Variants in ROBO2 observed in about 807,000 individuals in gnomAD.
The protein encoded by ROBO2 is roundabout guidance receptor 2.
ROBO2 carries 53 observed loss-of-function variants against 160.8 expected under a neutral mutation model. The ratio of observed to expected loss-of-function variants is 0.33; its 90% CI spans 0.26 to 0.41. The LOEUF (loss-of-function observed/expected upper bound fraction) is 0.41, where lower values mean the gene tolerates loss of function less well. Ranked by LOEUF, ROBO2 falls within the 10% of genes least tolerant of loss-of-function variation. The pLI is 1.00. For missense variants in ROBO2, 1,577 were observed against 1,722.4 expected (o/e 0.92, Z 1.49); for synonymous variants, 664 against 611.7 (o/e 1.09, Z -1.26).
At chr3:76,569,857 G>A (rs1194537478) in intron 2 of ROBO2, among the ~76,000 whole-genome samples, 1 of 152,136 alleles carries the variant, frequency 6.6e-6, no homozygotes, top group Non-Finnish European at 1.5e-5. Flanking sequence ...AGGTGCAGTG[G>A]CTCACACCTG....
At chr3:76,112,755 G>A (rs1185760500) in intron 2 of ROBO2, among the ~76,000 whole-genome samples, 1 of 151,898 alleles carries the variant, frequency 6.6e-6, no homozygotes, top group Non-Finnish European at 1.5e-5. Context: ...TTATGTGATT[G>A]AGATTTTATA....
chr3:77,053,580 G>C (rs1180465591), intron 1 of ROBO2, among the ~76,000 whole-genome samples: 3 of 152,156 alleles, frequency 2.0e-5, no homozygotes, highest in Non-Finnish European at 2.9e-5. Flanking sequence ...TCAGCTTTAA[G>C]TGAGGTCTGA....
intron 15 of ROBO2, among the ~76,000 whole-genome samples, chr3:77,577,933 T>A (rs1349213408): frequency 1.3e-5 from 2 of 152,058 alleles, no homozygotes; most frequent in South Asian, 2.1e-4. Context: ...ATGGATTTTA[T>A]CTTTGTTATT....
chr3:77,357,115 G>T (rs138649949), intron 2 of ROBO2, among the ~76,000 whole-genome samples: 1 of 152,080 alleles, frequency 6.6e-6, no homozygotes, highest in Non-Finnish European at 1.5e-5. Flanking sequence ...AGGGCCTTTC[G>T]TGTATTTTAT....
At chr3:77,405,435 T>A (rs1039084796) in intron 2 of ROBO2, among the ~76,000 whole-genome samples, 1 of 152,104 alleles carries the variant, frequency 6.6e-6, no homozygotes, top group Non-Finnish European at 1.5e-5. Flanking sequence ...ACCATTCATA[T>A]CTATCTTCAT....
chr3:76,318,053 G>A (rs1284267087), intron 2 of ROBO2, among the ~76,000 whole-genome samples: 1 of 151,776 alleles, frequency 6.6e-6, no homozygotes, highest in Non-Finnish European at 1.5e-5. Context: ...GTTCCCTTGT[G>A]ATTAAAATAC....
At chr3:76,826,632 T>A (rs1363565415) in intron 2 of ROBO2, among the ~76,000 whole-genome samples, 1 of 152,050 alleles carries the variant, frequency 6.6e-6, no homozygotes, top group Non-Finnish European at 1.5e-5. Flanking sequence ...ATAAGCTGAT[T>A]CCTGAATCTT....
chr3:77,257,573 T>C (rs912250085), intron 2 of ROBO2, among the ~76,000 whole-genome samples: 1 of 152,198 alleles, frequency 6.6e-6, no homozygotes, highest in African/African-American at 2.4e-5. Context: ...AAACCATTAA[T>C]TTTTAGGAAG....
intron 2 of ROBO2, among the ~76,000 whole-genome samples, chr3:77,353,696 A>C (rs1017424504): frequency 6.6e-6 from 1 of 152,084 alleles, no homozygotes. Flanking sequence ...CTTTTAGTAG[A>C]GATGGGGTTT....
chr3:76,672,344 G>C (rs956285108), intron 2 of ROBO2, among the ~76,000 whole-genome samples: 2 of 152,096 alleles, frequency 1.3e-5, no homozygotes, highest in Non-Finnish European at 2.9e-5. Flanking sequence ...TCATGTCCTA[G>C]TGACACTTAG....
intron 2 of ROBO2, among the ~76,000 whole-genome samples, chr3:76,755,809 C>A (rs749769820): frequency 1.3e-5 from 2 of 151,722 alleles, no homozygotes; most frequent in Non-Finnish European, 2.9e-5. Flanking sequence ...TTTAGGAAAT[C>A]AGTTTTTCCT....
At chr3:76,004,331 C>G (rs563379225) in intron 2 of ROBO2, among the ~76,000 whole-genome samples, 160 of 152,220 alleles carry the variant, frequency 1.1e-3, no homozygotes, top group African/African-American at 3.6e-3. Context: ...ATAGCCAAAA[C>G]TGTAGCCACC....
chr3:77,197,704 G>T (rs116053155), intron 2 of ROBO2, among the ~76,000 whole-genome samples: 2,610 of 152,302 alleles, frequency 0.017, 37 homozygotes, highest in Non-Finnish European at 0.027. Context: ...AGATATCCAT[G>T]TTCTAATTCC....
intron 2 of ROBO2, among the ~76,000 whole-genome samples, chr3:76,257,580 G>A (rs554992152): frequency 3.9e-5 from 6 of 152,080 alleles, no homozygotes; most frequent in South Asian, 2.1e-4. Flanking sequence ...TGTGCTGATC[G>A]CTATTGTATA....
At chr3:76,034,963 C>T (rs574455417) in intron 2 of ROBO2, among the ~76,000 whole-genome samples, 1 of 152,142 alleles carries the variant, frequency 6.6e-6, no homozygotes, top group African/African-American at 2.4e-5. Flanking sequence ...TCCCACCTCC[C>T]AGAAAACTTG....
chr3:77,035,364 A>C (rs2063567980), upstream of ROBO2, among the ~76,000 whole-genome samples: 1 of 151,870 alleles, frequency 6.6e-6, no homozygotes. Flanking sequence ...CATACCACTT[A>C]CTGTAATATT....
At chr3:76,319,748 G>A (rs573755474) in intron 2 of ROBO2, among the ~76,000 whole-genome samples, 3 of 149,222 alleles carry the variant, frequency 2.0e-5, no homozygotes, top group East Asian at 2.0e-4. Context: ...TCCCATTTGT[G>A]CTTTTTTTTT....
At chr3:77,585,990 C>T (rs1434224455) in intron 16 of ROBO2, among the ~76,000 whole-genome samples, 2 of 152,028 alleles carry the variant, frequency 1.3e-5, no homozygotes, top group Admixed American at 1.3e-4. Context: ...TTGTACTATG[C>T]CAGACCATGT....
At chr3:77,354,103 G>T (rs553396798) in intron 2 of ROBO2, among the ~76,000 whole-genome samples, 1 of 152,268 alleles carries the variant, frequency 6.6e-6, no homozygotes, top group Admixed American at 6.5e-5. Flanking sequence ...GATGTTGTTT[G>T]AGGATGTTGT....
Sources: allele counts gnomAD v4.1 joint callset (sites outside exome capture counted in the v4.1 genomes callset), GRCh38; gene constraint gnomAD v4.1.1; transcripts MANE v1.5; gene names NCBI Gene and HGNC (gene_info 2026-07-23, HGNC 2026-07-21).